CTNNA3: variants seen among roughly 807,000 people sequenced by gnomAD.
CTNNA3 encodes the protein catenin alpha-3.
In CTNNA3, 76 loss-of-function variants were observed where a neutral mutation model predicts 95.7. The observed-to-expected ratio is 0.79, with a 90% CI of 0.66 to 0.96. The LOEUF is 0.96. CTNNA3 is among the 40% of genes least tolerant of loss of function. The pLI is 0.00. For synonymous variants in CTNNA3, 431 were observed against 374.4 expected (o/e 1.15, Z -1.74); for missense variants, 1,191 against 1,089.8 (o/e 1.09, Z -1.31).
At chr10:66,463,692 T>C (rs577569122) in intron 11 of CTNNA3, among the ~76,000 whole-genome samples, 1 of 152,148 alleles carries the variant, frequency 6.6e-6, no homozygotes, top group East Asian at 1.9e-4. Context: ...TACCCTCTAT[T>C]CTGGAAAGAA....
At chr10:66,889,334 A>AGT (rs1254258139) in intron 7 of CTNNA3, among the ~76,000 whole-genome samples, 2 of 152,174 alleles carry the variant, frequency 1.3e-5, no homozygotes, top group Admixed American at 6.5e-5. Flanking sequence ...AAACCCACAG[A>AGT]GTGTACAACA....
At chr10:67,625,965 G>T (rs901785722) in intron 2 of CTNNA3, among the ~76,000 whole-genome samples, 1 of 152,076 alleles carries the variant, frequency 6.6e-6, no homozygotes, top group African/African-American at 2.4e-5. Flanking sequence ...CAGGAGGATC[G>T]CTGGAGCCCA....
At chr10:66,160,432 T>C (rs1762128096) in intron 13 of CTNNA3, among the ~76,000 whole-genome samples, 1 of 152,074 alleles carries the variant, frequency 6.6e-6, no homozygotes, top group African/African-American at 2.4e-5. Flanking sequence ...TGATTTTGTT[T>C]TTGACCCAAT....
At chr10:67,761,924 C>A (rs1016658276) in intron 1 of CTNNA3, among the ~76,000 whole-genome samples, 5 of 151,160 alleles carry the variant, frequency 3.3e-5, no homozygotes, top group Non-Finnish European at 5.9e-5. Flanking sequence ...AGGAGATCAT[C>A]AGGATTACCA....
chr10:66,604,588 C>T (rs1482656896), intron 10 of CTNNA3, among the ~76,000 whole-genome samples: 1 of 152,058 alleles, frequency 6.6e-6, no homozygotes, highest in African/African-American at 2.4e-5. Flanking sequence ...TACCTCGGCC[C>T]CCTAGTGTAG....
chr10:67,535,465 TA>T (rs11383483), intron 4 of CTNNA3, among the ~76,000 whole-genome samples: 5 of 151,690 alleles, frequency 3.3e-5, no homozygotes, highest in South Asian at 4.2e-4. Flanking sequence ...TTTACATAAT[TA>T]AAAAAAAGAC....
chr10:66,891,503 A>G (rs1302005260), intron 7 of CTNNA3, among the ~76,000 whole-genome samples: 2 of 152,204 alleles, frequency 1.3e-5, no homozygotes, highest in Non-Finnish European at 2.9e-5. Flanking sequence ...AAAACTTCAA[A>G]CTTTGTCTTC....
intron 7 of CTNNA3, among the ~76,000 whole-genome samples, chr10:67,026,643 T>G (rs1564840299): frequency 6.6e-6 from 1 of 152,134 alleles, no homozygotes; most frequent in Non-Finnish European, 1.5e-5. Context: ...AAAAGGAGCT[T>G]AAACCCTGGG....
chr10:67,610,886 T>C (rs1253661747), intron 2 of CTNNA3, among the ~76,000 whole-genome samples: 1 of 152,130 alleles, frequency 6.6e-6, no homozygotes, highest in Non-Finnish European at 1.5e-5. Flanking sequence ...ACTTCAGGGG[T>C]CCCTCTCATA....
At chr10:67,556,811 C>T (rs867047229) in intron 3 of CTNNA3, among the ~76,000 whole-genome samples, 29 of 151,976 alleles carry the variant, frequency 1.9e-4, no homozygotes, top group African/African-American at 6.0e-4. Context: ...TGAATGTGTT[C>T]GCTCTTGCTT....
chr10:65,948,170 A>G (rs12356876), intron 17 of CTNNA3, among the ~76,000 whole-genome samples: 4,687 of 151,392 alleles, frequency 0.031, 97 homozygotes, highest in Middle Eastern at 0.076. Context: ...AGTCCCAGCT[A>G]CTCGGGAGAC....
chr10:67,117,279 T>C (rs566399793), intron 7 of CTNNA3, among the ~76,000 whole-genome samples: 2 of 152,022 alleles, frequency 1.3e-5, no homozygotes, highest in African/African-American at 4.8e-5. Flanking sequence ...AAAACAACTA[T>C]ACTCCATAAG....
chr10:66,465,757 T>G (rs1011653536), intron 11 of CTNNA3, among the ~76,000 whole-genome samples: 3 of 152,136 alleles, frequency 2.0e-5, no homozygotes, highest in African/African-American at 7.2e-5. Flanking sequence ...GGCATTAGTG[T>G]GGTTCCTAAC....
intron 5 of CTNNA3, among the ~76,000 whole-genome samples, chr10:67,290,050 C>A (rs1255827583): frequency 2.6e-5 from 4 of 152,080 alleles, no homozygotes; most frequent in Non-Finnish European, 4.4e-5. Flanking sequence ...AAGTAATCCT[C>A]CTGCCTTGGC....
In CTNNA3 at chr10:65,914,737, C is replaced by G. The variant is rs2076985600; in HGVS notation, c.*5593G>C. 1 of 152,128 alleles carries G rather than the reference C, an allele frequency of 6.6e-6. No homozygotes were observed. The highest frequency in any genetic ancestry group is 6.5e-5 in the Admixed American group (1 of 15,268). 9.4% of individuals were successfully genotyped at this position (152,128 alleles called of 1,614,324 possible). A position where few individuals can be genotyped will look rare whatever the true frequency, so the allele number is the denominator to read the frequency against. ...GGCTGAAACAGGCATTTCATTGAAG[C>G]TTTCTTCTCCATGGTAATAAAAGTA... On this transcript the variant is annotated 3_prime_UTR_variant, in exon 18 of 18. Coordinates refer to ENST00000433211, the MANE Select transcript of CTNNA3 (RefSeq NM_013266.4).
chr10:66,450,319 A>G (rs749293329), intron 11 of CTNNA3, among the ~76,000 whole-genome samples: 1 of 152,160 alleles, frequency 6.6e-6, no homozygotes, highest in Non-Finnish European at 1.5e-5. Flanking sequence ...GAGTACTAAC[A>G]TAAATATAGC....
intron 2 of CTNNA3, among the ~76,000 whole-genome samples, chr10:67,620,113 T>C (rs1213295476): frequency 1.3e-5 from 2 of 152,128 alleles, no homozygotes; most frequent in East Asian, 1.9e-4. Flanking sequence ...TGCCAGATAC[T>C]GGATGGAGGA....
intron 9 of CTNNA3, among the ~76,000 whole-genome samples, chr10:66,707,085 T>C (rs903250470): frequency 6.6e-6 from 1 of 152,058 alleles, no homozygotes; most frequent in African/African-American, 2.4e-5. Context: ...ATGTGTCCAA[T>C]TTAAGCATTT....
rs571786399 is a variant in CTNNA3, at chr10:67,708,968, T to C, written c.-2+54466A>G. Among the ~76,000 whole-genome samples the C allele has an allele frequency of 1.3e-4, 19 of 151,466 alleles. No individual in the cohort carries two copies. The East Asian group carries it at 3.7e-3, about 29-fold the overall frequency. On this transcript the variant is annotated intron_variant, in intron 1 of 17. Coordinates refer to the CTNNA3 transcript ENST00000684154. ...ATACTAACTCATTAAAAATATATTT[T>C]ATATATATCTTATATATATGTATGT...
Sources: allele counts gnomAD v4.1 joint callset (sites outside exome capture counted in the v4.1 genomes callset), GRCh38; gene constraint gnomAD v4.1.1; transcripts MANE v1.5; gene names NCBI Gene and HGNC (gene_info 2026-07-23, HGNC 2026-07-21).